AFAP1: variants seen among roughly 807,000 people sequenced by gnomAD.
The protein encoded by AFAP1 is actin filament-associated protein 1.
In AFAP1, 75 loss-of-function variants were observed where a neutral mutation model predicts 93.9. That is an observed-to-expected ratio of 0.80 (90% CI 0.66 to 0.97). The LOEUF (loss-of-function observed/expected upper bound fraction) is 0.97, where lower values mean the gene tolerates loss of function less well. Ranked by LOEUF, AFAP1 falls within the 50% of genes least tolerant of loss-of-function variation. AFAP1 has a pLI of 0.00. For missense variants in AFAP1, 1,201 were observed against 1,050.8 expected (o/e 1.14, Z -1.98); for synonymous variants, 517 against 430.7 (o/e 1.20, Z -2.48).
At chr4:7,781,669 G>C in intron 12 of AFAP1, 42 bp from the exon 13 acceptor site, 1 of 1,545,290 alleles carries the variant, frequency 6.5e-7, no homozygotes, top group Non-Finnish European at 8.8e-7. Context: ...TTGGACACAG[G>C]AAACAGCAGC....
At chr4:7,875,302 G>A (rs1467845722) in intron 1 of AFAP1, among the ~76,000 whole-genome samples, 4 of 152,148 alleles carry the variant, frequency 2.6e-5, no homozygotes, top group Non-Finnish European at 4.4e-5. Context: ...GGAGAGAAAT[G>A]GTAAATGAGC....
intron 9 of AFAP1, among the ~76,000 whole-genome samples, chr4:7,804,847 G>A (rs1323128991): frequency 6.6e-6 from 1 of 152,204 alleles, no homozygotes; most frequent in Non-Finnish European, 1.5e-5. Flanking sequence ...CAGCTAGGAG[G>A]AGAGGGGCCT....
intron 1 of AFAP1, among the ~76,000 whole-genome samples, chr4:7,924,677 A>C (rs112360019): frequency 0.02 from 3,093 of 152,242 alleles, 112 homozygotes; most frequent in African/African-American, 0.071. Context: ...ATGCCTGACC[A>C]TGTGTATAAA....
intron 6 of AFAP1, among the ~76,000 whole-genome samples, chr4:7,830,147 G>C (rs79271807): frequency 0.06 from 9,056 of 152,186 alleles, 826 homozygotes; most frequent in African/African-American, 0.19. Context: ...CCTTTCTATG[G>C]GGCGGGGCGA....
intron 3 of AFAP1, among the ~76,000 whole-genome samples, chr4:7,864,069 C>G (rs79923402): frequency 1.5e-4 from 1 of 6,866 alleles, no homozygotes. Flanking sequence ...CCATCACAAC[C>G]CATTCCCAAC....
At chr4:7,815,976 T>G in intron 8 of AFAP1, 42 bp downstream of exon 8, 2 of 1,543,828 alleles carry the variant, frequency 1.3e-6, no homozygotes, top group South Asian at 2.4e-5. Context: ...TTTTTGTTTT[T>G]TTTTTTAGTG....
chr4:7,901,100 T>G (rs1253506318), intron 1 of AFAP1, among the ~76,000 whole-genome samples: 2 of 152,218 alleles, frequency 1.3e-5, no homozygotes, highest in African/African-American at 4.8e-5. Context: ...ATTTCTGTGT[T>G]GAATGCAGTT....
chr4:7,760,782 G>C lies in AFAP1; in HGVS notation c.*2983C>G, dbSNP rs921634102. On this transcript the variant is annotated 3_prime_UTR_variant, in exon 18 of 18. Transcript: ENST00000420658. ...CTGTGGCTCAAGGTTAGAATGGAAG[G>C]AGCCCTGAGCCCCGCAGGGGTCGGC... 2.0e-5 allele frequency: 3 copies of C among 152,230 alleles called. No individual in the cohort carries two copies. Among genetic ancestry groups the C allele is most frequent in the Admixed American group, 6.5e-5 (1 of 15,290 alleles). 9.4% of individuals were successfully genotyped at this position (152,230 alleles called of 1,614,324 possible).
At chr4:7,806,493 T>C (rs1388236493) in intron 9 of AFAP1, among the ~76,000 whole-genome samples, 1 of 152,164 alleles carries the variant, frequency 6.6e-6, no homozygotes, top group Non-Finnish European at 1.5e-5. Flanking sequence ...TCCTATGGGC[T>C]CAGCAGCACT....
intron 1 of AFAP1, among the ~76,000 whole-genome samples, chr4:7,924,478 T>C (rs555979695): frequency 3.3e-5 from 5 of 152,318 alleles, no homozygotes; most frequent in South Asian, 2.1e-4. Context: ...CTAGGTACTA[T>C]TGTTGAAGAT....
chr4:7,772,321 G>A (rs6827395), intron 16 of AFAP1: 24,401 of 152,948 alleles, frequency 0.16, 2,261 homozygotes, highest in African/African-American at 0.25. Context: ...AGTTCTCAGC[G>A]GTCTCAGCCG....
At chr4:7,894,913 G>GC (rs1328789207) in intron 1 of AFAP1, among the ~76,000 whole-genome samples, 1 of 152,234 alleles carries the variant, frequency 6.6e-6, no homozygotes, top group Non-Finnish European at 1.5e-5. Context: ...ATGCTGGAAG[G>GC]CCTGCTGTCT....
Position 7,769,014 on chromosome 4 carries a change from CG to C in AFAP1, c.2254-7del. 1.3e-6 allele frequency: 2 copies of C among 1,599,360 alleles called. No individual in the cohort carries two copies. Among genetic ancestry groups the C allele is most frequent in the Non-Finnish European group, 1.7e-6 (2 of 1,169,270 alleles). On this transcript the variant is annotated splice_polypyrimidine_tract_variant and splice_region_variant and intron_variant, in intron 16 of 17. Transcript: ENST00000420658. ...CGGTGCCGGAACACTGGAGACTTAACGGAGAGAGAGAACCCCATGTGATGAG... is the reference window on the plus strand; with the variant it reads ...CGGTGCCGGAACACTGGAGACTTAACGAGAGAGAGAACCCCATGTGATGAG...
At chr4:7,786,490 T>C (rs771801191) in intron 11 of AFAP1, among the ~76,000 whole-genome samples, 179 bp from the exon 12 acceptor site, 7 of 152,202 alleles carry the variant, frequency 4.6e-5, no homozygotes, top group Non-Finnish European at 1.0e-4. Flanking sequence ...GACTGTCCTA[T>C]AAAATTAGGA....
chr4:7,925,130 G>C (rs925779045), intron 1 of AFAP1, among the ~76,000 whole-genome samples: 1 of 152,170 alleles, frequency 6.6e-6, no homozygotes, highest in Non-Finnish European at 1.5e-5. Context: ...AGTCAACTCT[G>C]CCTGTCCTCA....
chr4:7,772,921 G>C lies in AFAP1; in HGVS notation c.2152C>G (p.Leu718Val). The change falls in exon 16 of 18, where the codon CTG (leucine) becomes GTG (valine). Residue 718 changes from leucine to valine, a missense_variant. Transcript: ENST00000420658. ...CTCTCCTTGACCTCCGTCAGCTCCA[G>C]CTCCAGGCTGACACGCTCCGCCTCC... ...QKEAERVSLE[L>V]ELTEVKESLK... The C allele has an allele frequency of 6.2e-7, 1 of 1,614,072 alleles. No individual in the cohort carries two copies. The highest frequency in any genetic ancestry group is 1.1e-5 in the South Asian group (1 of 91,088).
At chr4:7,802,775 A>G (rs1343003190) in intron 9 of AFAP1, among the ~76,000 whole-genome samples, 1 of 150,632 alleles carries the variant, frequency 6.6e-6, no homozygotes, top group Non-Finnish European at 1.5e-5. Flanking sequence ...TCAGCCTCCC[A>G]AGCAGCTGGG....
At chr4:7,799,599 C>T (rs1016902077) in intron 10 of AFAP1, among the ~76,000 whole-genome samples, 11 of 152,102 alleles carry the variant, frequency 7.2e-5, no homozygotes, top group African/African-American at 7.2e-5. Flanking sequence ...GACATGGATG[C>T]GACCATCTGG....
intron 1 of AFAP1, among the ~76,000 whole-genome samples, chr4:7,880,074 C>T (rs1717754803): frequency 6.6e-6 from 1 of 152,200 alleles, no homozygotes; most frequent in Admixed American, 6.5e-5. Flanking sequence ...AAAGCAAACA[C>T]ACTTCCTGCT....
Sources: gnomAD v4.1 joint callset for allele counts (sites outside exome capture counted in the v4.1 genomes callset) on GRCh38, gnomAD v4.1.1 for gene constraint, MANE v1.5 for transcripts, NCBI Gene and HGNC (gene_info 2026-07-23, HGNC 2026-07-21) for gene names.